PPP1R9A: variants seen among roughly 807,000 people sequenced by gnomAD.
PPP1R9A encodes the protein protein phosphatase 1 regulatory subunit 9A, also known as neurabin-1.
Under a neutral mutation model 141.9 loss-of-function variants are expected in PPP1R9A, and 59 were observed. That is an observed-to-expected ratio of 0.42 (90% confidence interval 0.34 to 0.52). PPP1R9A has a LOEUF of 0.52. Among genes scored for constraint, PPP1R9A ranks in the 20% least tolerant of loss-of-function variants. The pLI is 0.10. For synonymous variants in PPP1R9A, 500 were observed against 569.7 expected, an observed-to-expected ratio of 0.88 and a Z score of 1.74; for missense variants, 1,444 against 1,611.9, an observed-to-expected ratio of 0.90 and a Z score of 1.78.
rs1351602311 is a variant in PPP1R9A, at chr7:95,294,116, T to G, written c.*3813T>G. 4 of 152,260 alleles carry G rather than the reference T, an allele frequency of 2.6e-5. No homozygotes were observed. The highest frequency in any genetic ancestry group is 5.9e-5 in the Non-Finnish European group (4 of 68,028). 9.4% of individuals were successfully genotyped at this position (152,260 alleles called of 1,614,324 possible). A position where few individuals can be genotyped will look rare whatever the true frequency, so the allele number is the denominator to read the frequency against. ...ACGTCACCTACTTAATGCAAAGACC[T>G]TAGTGGTCTCAGAATGAAAAGGTAA... On this transcript the variant is annotated 3_prime_UTR_variant, in exon 20 of 20. Transcript: ENST00000433360.
At chr7:95,231,798 G>T (rs994339556) in intron 8 of PPP1R9A, among the ~76,000 whole-genome samples, 1 of 151,984 alleles carries the variant, frequency 6.6e-6, no homozygotes, top group Non-Finnish European at 1.5e-5. Flanking sequence ...GTCTGAAAGG[G>T]CTCAAACTGA....
chr7:95,208,956 T>A (rs1162113780), intron 7 of PPP1R9A, among the ~76,000 whole-genome samples: 206 of 76,748 alleles, frequency 2.7e-3, no homozygotes, highest in East Asian at 4.2e-3. Flanking sequence ...ATAGCAAAAC[T>A]AAAAAAAAAA....
intron 2 of PPP1R9A, among the ~76,000 whole-genome samples, chr7:95,011,939 T>A (rs542175812): frequency 6.6e-6 from 1 of 152,310 alleles, no homozygotes; most frequent in Non-Finnish European, 1.5e-5. Flanking sequence ...GCATTAATGA[T>A]ATATAAAATA....
intron 2 of PPP1R9A, among the ~76,000 whole-genome samples, chr7:95,051,531 TTGATTG>T (rs1810797701): frequency 6.6e-6 from 1 of 152,218 alleles, no homozygotes; most frequent in African/African-American, 2.4e-5. Context: ...TTCTGAGATT[TTGATTG>T]GGATTATGTT....
At chr7:95,003,493 A>T (rs903784577) in intron 2 of PPP1R9A, among the ~76,000 whole-genome samples, 2 of 152,178 alleles carry the variant, frequency 1.3e-5, no homozygotes. Flanking sequence ...TGTTAAGGGG[A>T]TGCTCCTTTA....
chr7:95,268,847 T>G (rs1419600446), intron 13 of PPP1R9A, 140 bp downstream of exon 13: 3 of 986,142 alleles, frequency 3.0e-6, no homozygotes, highest in East Asian at 2.7e-5. Context: ...CGTCTTTGTC[T>G]CCTGAATTCT....
At chr7:95,027,647 G>A (rs1344269043) in intron 2 of PPP1R9A, among the ~76,000 whole-genome samples, 1 of 152,118 alleles carries the variant, frequency 6.6e-6, no homozygotes, top group Non-Finnish European at 1.5e-5. Flanking sequence ...CAAACATCAT[G>A]GACTTTATTT....
intron 12 of PPP1R9A, among the ~76,000 whole-genome samples, chr7:95,259,324 G>A (rs1800080737): frequency 6.7e-6 from 1 of 149,852 alleles, no homozygotes; most frequent in African/African-American, 2.4e-5. Context: ...TTACATATAT[G>A]GTATACATTT....
intron 2 of PPP1R9A, among the ~76,000 whole-genome samples, chr7:95,076,917 TA>T (rs1257375187): frequency 6.6e-5 from 10 of 152,152 alleles, no homozygotes; most frequent in African/African-American, 2.4e-4. Context: ...TTATATTCTT[TA>T]CAAATTATAG....
At chr7:95,019,463 C>CA (rs1303085026) in intron 2 of PPP1R9A, among the ~76,000 whole-genome samples, 11 of 152,060 alleles carry the variant, frequency 7.2e-5, no homozygotes, top group Non-Finnish European at 1.3e-4. Flanking sequence ...GGTCACATCA[C>CA]AAAAAAGCAA....
At chr7:95,005,249 A>G (rs539408121) in intron 2 of PPP1R9A, among the ~76,000 whole-genome samples, 1 of 152,040 alleles carries the variant, frequency 6.6e-6, no homozygotes, top group Non-Finnish European at 1.5e-5. Flanking sequence ...GATATAATCT[A>G]TTTTTAGTTT....
intron 2 of PPP1R9A, among the ~76,000 whole-genome samples, chr7:95,108,307 C>CCT (rs1819891109): frequency 3.4e-5 from 2 of 59,616 alleles, no homozygotes; most frequent in Non-Finnish European, 6.2e-5. Context: ...CGTTTCTTTT[C>CCT]TTTTTTTTTT....
At chr7:94,999,566 C>T (rs971068726) in intron 2 of PPP1R9A, among the ~76,000 whole-genome samples, 3 of 152,246 alleles carry the variant, frequency 2.0e-5, no homozygotes, top group African/African-American at 7.2e-5. Context: ...CATATGTCCT[C>T]AGATAGTCTT....
chr7:95,204,852 CCA>C (rs894753597), intron 7 of PPP1R9A, among the ~76,000 whole-genome samples: 4 of 148,214 alleles, frequency 2.7e-5, no homozygotes, highest in Admixed American at 6.8e-5. Flanking sequence ...CACACACACA[CCA>C]CACACACGAC....
intron 6 of PPP1R9A, among the ~76,000 whole-genome samples, chr7:95,200,255 T>C (rs1292291075): frequency 2.0e-5 from 3 of 151,374 alleles, no homozygotes; most frequent in Non-Finnish European, 4.4e-5. Flanking sequence ...CAAAAGTTGA[T>C]ATAAAATTTT....
intron 18 of PPP1R9A, chr7:95,287,144 A>T (rs773958798): frequency 6.2e-7 from 1 of 1,612,986 alleles, no homozygotes; most frequent in Non-Finnish European, 8.5e-7. Context: ...GTGAGCTATC[A>T]GTGGGCTGTG....
intron 4 of PPP1R9A, among the ~76,000 whole-genome samples, chr7:95,132,314 CTG>C (rs1824797466): frequency 6.6e-6 from 1 of 152,070 alleles, no homozygotes; most frequent in Admixed American, 6.5e-5. Flanking sequence ...CTAATGTTGA[CTG>C]TGGGTTTATC....
Position 94,910,357 on chromosome 7 carries a change from G to A in PPP1R9A, c.244G>A (p.Ala82Thr). The A allele has an allele frequency of 6.2e-7, 1 of 1,614,146 alleles. No homozygotes were observed. Among genetic ancestry groups the A allele is most frequent in the Non-Finnish European group, 8.5e-7 (1 of 1,180,020 alleles). The change falls in exon 2 of 20, where the codon GCA becomes ACA. Residue 82 changes from alanine (A) to threonine (T), a missense_variant. Ala to Thr is a moderately conservative substitution (Grantham distance 58, BLOSUM62 0). Around this residue, in one of 5 missense-constraint regions of PPP1R9A, gnomAD observed 490 missense variants for 521.1 expected, o/e 0.94. Transcript: ENST00000433360. The surrounding 1 kb of genome is among the most constrained non-coding windows in gnomAD (Gnocchi z 4.5). ...GGGTATGGAACCCAACGAGAATGCT[G>A]CAGTCATTGCCAAAACAAGGGGGAA... ...QMGMEPNENA[A>T]VIAKTRGKGG... is the part of the protein sequence containing the mutation.
intron 17 of PPP1R9A, 139 bp from the exon 18 acceptor site, chr7:95,286,067 C>A: frequency 7.3e-7 from 1 of 1,362,148 alleles, no homozygotes; most frequent in Non-Finnish European, 9.7e-7. Context: ...CAACCGCTGC[C>A]CCATTGAAGG....
Sources: allele counts gnomAD v4.1 joint callset (sites outside exome capture counted in the v4.1 genomes callset), GRCh38; gene constraint gnomAD v4.1.1; regional missense constraint gnomAD v4.1.1; non-coding constraint Gnocchi (gnomAD v3.1); transcripts MANE v1.5; gene names NCBI Gene and HGNC (gene_info 2026-07-23, HGNC 2026-07-21).